Variants in VPS13B observed in about 807,000 individuals in gnomAD.
VPS13B encodes intermembrane lipid transfer protein VPS13B.
Under a neutral mutation model 426.4 loss-of-function variants are expected in VPS13B, and 285 were observed. The ratio of observed to expected loss-of-function variants is 0.67; its 90% confidence interval spans 0.61 to 0.74. The LOEUF (loss-of-function observed/expected upper bound fraction) is 0.74. Ranked by LOEUF, VPS13B falls within the 30% of genes least tolerant of loss-of-function variation. VPS13B has a pLI of 0.00. For synonymous variants in VPS13B, 1,676 were observed against 1,676.4 expected (o/e 1.00, Z 0.01); for missense variants, 4,537 against 4,782.6 (o/e 0.95, Z 1.51).
intron 35 of VPS13B, chr8:99,697,479 C>G (rs1832078192): frequency 6.8e-6 from 5 of 737,160 alleles, no homozygotes; most frequent in Non-Finnish European, 1.2e-5. Flanking sequence ...GATGCCTGCT[C>G]TAAGCTGAAG....
At chr8:99,541,516 A>C (rs1588477458) in intron 30 of VPS13B, among the ~76,000 whole-genome samples, 3 of 152,190 alleles carry the variant, frequency 2.0e-5, no homozygotes, top group Non-Finnish European at 4.4e-5. Context: ...GCACCCGGAC[A>C]GGCCCCGGTG....
chr8:99,271,197 CT>C (rs1422113661), intron 17 of VPS13B, among the ~76,000 whole-genome samples: 18 of 24,642 alleles, frequency 7.3e-4, no homozygotes, highest in South Asian at 5.9e-3. Flanking sequence ...CTACCACTAA[CT>C]ACTACTACTA....
chr8:99,749,713 A>C (rs1031162670), intron 39 of VPS13B, among the ~76,000 whole-genome samples: 2 of 152,042 alleles, frequency 1.3e-5, no homozygotes, highest in African/African-American at 4.8e-5. Flanking sequence ...TAGAGTACAG[A>C]TATCTTTTAA....
At position 99,392,871 on chromosome 8, in the gene VPS13B, G is replaced by T. The variant is rs188720959; in HGVS notation, c.3082+1167G>T. On this transcript the variant is annotated intron_variant, in intron 21 of 61. Coordinates refer to ENST00000357162, the MANE Select transcript of VPS13B (RefSeq NM_152564.5). ...TGAGATTTTATCAATTGACAAAAATGCCTGTGCCTCATTTTGTATCACAAA... is the reference window on the plus strand; with the variant it reads ...TGAGATTTTATCAATTGACAAAAATTCCTGTGCCTCATTTTGTATCACAAA... Among the ~76,000 whole-genome samples, 27 of 152,078 alleles carry T rather than the reference G, an allele frequency of 1.8e-4. No homozygotes were observed. The East Asian group carries it at 5.2e-3, about 29-fold the overall frequency.
intron 36 of VPS13B, among the ~76,000 whole-genome samples, chr8:99,708,081 G>C (rs1245361162): frequency 6.6e-6 from 1 of 152,022 alleles, no homozygotes; most frequent in Non-Finnish European, 1.5e-5. Flanking sequence ...ATTCATCCCA[G>C]AAACTTTTCA....
intron 52 of VPS13B, 100 bp from the exon 53 acceptor site, chr8:99,835,097 G>A (rs534183762): frequency 1.3e-5 from 19 of 1,464,632 alleles, no homozygotes; most frequent in Middle Eastern, 1.7e-4. Flanking sequence ...AGATATTTTC[G>A]AGTTCTGAAT....
intron 19 of VPS13B, among the ~76,000 whole-genome samples, chr8:99,302,803 C>T (rs1274657866): frequency 6.6e-6 from 1 of 152,114 alleles, no homozygotes; most frequent in African/African-American, 2.4e-5. Flanking sequence ...GCCTCAGTGC[C>T]TGGCCTGAAT....
intron 17 of VPS13B, 123 bp from the exon 18 acceptor site, chr8:99,274,075 A>G: frequency 1.5e-6 from 2 of 1,370,586 alleles, no homozygotes; most frequent in Non-Finnish European, 2.0e-6. Context: ...AACCTAACAC[A>G]AATACTGTAA....
chr8:99,455,503 C>G (rs767974148), intron 23 of VPS13B, among the ~76,000 whole-genome samples: 3 of 152,036 alleles, frequency 2.0e-5, no homozygotes, highest in African/African-American at 4.8e-5. Flanking sequence ...ACAGCCAGCT[C>G]TTACTGAAGT....
At chr8:99,075,988 A>G (rs2132349039) in intron 3 of VPS13B, among the ~76,000 whole-genome samples, 1 of 152,022 alleles carries the variant, frequency 6.6e-6, no homozygotes, top group Middle Eastern at 3.4e-3. Flanking sequence ...TTTTTGTTGT[A>G]GGCATTTATT....
intron 35 of VPS13B, among the ~76,000 whole-genome samples, chr8:99,693,087 T>C (rs1166537704): frequency 7.1e-6 from 1 of 141,012 alleles, no homozygotes; most frequent in South Asian, 2.3e-4. Context: ...CAGGACCAGA[T>C]GGATTCACAG....
At chr8:99,558,308 T>C (rs1824698704) in intron 31 of VPS13B, among the ~76,000 whole-genome samples, 1 of 152,196 alleles carries the variant, frequency 6.6e-6, no homozygotes, top group East Asian at 1.9e-4. Flanking sequence ...CTTAGGTCTT[T>C]ATATGTGATC....
At chr8:99,325,844 A>C (rs1053429907) in intron 19 of VPS13B, among the ~76,000 whole-genome samples, 3 of 152,206 alleles carry the variant, frequency 2.0e-5, no homozygotes, top group Admixed American at 6.5e-5. Context: ...TTGTATCTAC[A>C]TTCCAAATAA....
chr8:99,160,731 A>G (rs1811606749), intron 15 of VPS13B, among the ~76,000 whole-genome samples: 1 of 152,056 alleles, frequency 6.6e-6, no homozygotes, highest in South Asian at 2.1e-4. Flanking sequence ...GACTCCACAA[A>G]TAGGCTCTTG....
chr8:99,772,370 A>G (rs1454958068), intron 40 of VPS13B, among the ~76,000 whole-genome samples: 2 of 152,222 alleles, frequency 1.3e-5, no homozygotes, highest in Non-Finnish European at 2.9e-5. Flanking sequence ...ATAGTTTGAA[A>G]AAGACAAATA....
chr8:99,547,965 C>A (rs1343206151), intron 30 of VPS13B, among the ~76,000 whole-genome samples: 1 of 151,992 alleles, frequency 6.6e-6, no homozygotes. Flanking sequence ...AAATTTAAGT[C>A]CTGTTTATGA....
intron 7 of VPS13B, among the ~76,000 whole-genome samples, chr8:99,117,580 G>A (rs78122733): frequency 2.0e-5 from 3 of 152,050 alleles, no homozygotes; most frequent in African/African-American, 7.2e-5. Context: ...TCAAATTATG[G>A]CATATTCATA....
chr8:99,624,098 T>C (rs1191829074), intron 33 of VPS13B, among the ~76,000 whole-genome samples: 1 of 148,332 alleles, frequency 6.7e-6, no homozygotes, highest in East Asian at 2.0e-4. Flanking sequence ...ATTCATTATG[T>C]GGGTAGATGG....
chr8:99,550,952 G>C (rs1383375795), intron 30 of VPS13B, among the ~76,000 whole-genome samples: 3 of 152,084 alleles, frequency 2.0e-5, no homozygotes, highest in Non-Finnish European at 4.4e-5. Context: ...TTATGGCCTA[G>C]CAGGTTGTCG....
Sources: allele counts gnomAD v4.1 joint callset (sites outside exome capture counted in the v4.1 genomes callset), GRCh38; gene constraint gnomAD v4.1.1; transcripts MANE v1.5; gene names NCBI Gene and HGNC (gene_info 2026-07-23, HGNC 2026-07-21).